AGBL4: variants seen among roughly 807,000 people sequenced by gnomAD.
AGBL4 encodes the protein AGBL carboxypeptidase 4.
A neutral mutation model predicts 66.4 loss-of-function variants in AGBL4; 58 were observed. The observed-to-expected ratio is 0.87, with a 90% confidence interval of 0.71 to 1.09. The LOEUF is 1.09. Among genes scored for constraint, AGBL4 ranks in the 50% least tolerant of loss-of-function variants. The pLI, the probability that AGBL4 is intolerant of heterozygous loss-of-function variation, is 0.00. For missense variants in AGBL4, 579 were observed against 631.0 expected (o/e 0.92, Z 0.88); for synonymous variants, 234 against 222.9 (o/e 1.05, Z -0.44).
chr1:48,913,402 G>A (rs1415641793), intron 5 of AGBL4, among the ~76,000 whole-genome samples: 1 of 152,224 alleles, frequency 6.6e-6, no homozygotes, highest in Non-Finnish European at 1.5e-5. Flanking sequence ...ATGCACAGCA[G>A]GAGGTGAGCG....
chr1:49,031,637 A>T (rs1422077904), intron 5 of AGBL4, among the ~76,000 whole-genome samples: 1 of 152,136 alleles, frequency 6.6e-6, no homozygotes. Flanking sequence ...ATAGATGGCC[A>T]ATAAGCACAC....
chr1:49,566,116 A>G (rs79274303), intron 3 of AGBL4, among the ~76,000 whole-genome samples: 1 of 152,140 alleles, frequency 6.6e-6, no homozygotes, highest in Non-Finnish European at 1.5e-5. Context: ...TTATGCATTC[A>G]TCACGTAGTT....
intron 3 of AGBL4, among the ~76,000 whole-genome samples, chr1:49,246,313 T>C (rs943331078): frequency 5.3e-5 from 8 of 151,976 alleles, no homozygotes; most frequent in Non-Finnish European, 2.9e-5. Context: ...AGAATTTACA[T>C]AGAAGTAAAT....
intron 3 of AGBL4, among the ~76,000 whole-genome samples, chr1:49,318,145 T>C (rs575313327): frequency 6.6e-6 from 1 of 151,980 alleles, no homozygotes; most frequent in Non-Finnish European, 1.5e-5. Context: ...CTTGACTTTT[T>C]ATTTAATAGT....
At chr1:49,240,720 A>G (rs572241316) in intron 4 of AGBL4, among the ~76,000 whole-genome samples, 2 of 151,822 alleles carry the variant, frequency 1.3e-5, no homozygotes, top group South Asian at 4.2e-4. Flanking sequence ...CATTCTGGTT[A>G]TCACCTGTAG....
At chr1:49,147,132 C>T (rs1646233345) in intron 4 of AGBL4, among the ~76,000 whole-genome samples, 1 of 152,108 alleles carries the variant, frequency 6.6e-6, no homozygotes, top group South Asian at 2.1e-4. Context: ...GGGGAGGAGA[C>T]ATCACAGAAA....
At chr1:48,701,394 A>G (rs1646798472) in intron 6 of AGBL4, among the ~76,000 whole-genome samples, 1 of 152,114 alleles carries the variant, frequency 6.6e-6, no homozygotes, top group Non-Finnish European at 1.5e-5. Context: ...CTTCATCTAT[A>G]AACTGGGAAG....
At chr1:49,876,946 T>G (rs1409661623) in intron 1 of AGBL4, among the ~76,000 whole-genome samples, 1 of 151,784 alleles carries the variant, frequency 6.6e-6, no homozygotes, top group Non-Finnish European at 1.5e-5. Context: ...CACTCATTAT[T>G]TGGCTCTCTG....
At chr1:48,928,377 T>C (rs1199659306) in intron 5 of AGBL4, among the ~76,000 whole-genome samples, 1 of 152,172 alleles carries the variant, frequency 6.6e-6, no homozygotes, top group Non-Finnish European at 1.5e-5. Flanking sequence ...CTCCCCCCAA[T>C]TTTAGTATGT....
At chr1:49,534,511 C>A (rs1226908757) in intron 3 of AGBL4, among the ~76,000 whole-genome samples, 1 of 152,154 alleles carries the variant, frequency 6.6e-6, no homozygotes, top group Non-Finnish European at 1.5e-5. Flanking sequence ...AGTCTTCAGT[C>A]AAGTGTTTGC....
intron 3 of AGBL4, among the ~76,000 whole-genome samples, chr1:49,279,523 G>C (rs985848506): frequency 3.3e-5 from 5 of 151,860 alleles, no homozygotes; most frequent in Non-Finnish European, 7.4e-5. Context: ...TATGGGGCAA[G>C]TTGAAGTTGG....
chr1:49,657,359 G>A (rs1171288677), intron 3 of AGBL4, among the ~76,000 whole-genome samples: 4 of 152,152 alleles, frequency 2.6e-5, no homozygotes, highest in Admixed American at 2.6e-4. Flanking sequence ...AATAAGAGAG[G>A]ACACAAACAA....
chr1:49,739,790 A>T (rs374047475), intron 2 of AGBL4, among the ~76,000 whole-genome samples: 26 of 152,308 alleles, frequency 1.7e-4, no homozygotes, highest in East Asian at 1.2e-3. Context: ...GAATTTCATA[A>T]CCAGCCAAAC....
At chr1:48,759,454 CATTTTATAA>C in intron 6 of AGBL4, 1 of 1,259,198 alleles carries the variant, frequency 7.9e-7, no homozygotes, top group Non-Finnish European at 1.1e-6. Flanking sequence ...AATGGGGAAA[CATTTTATAA>C]ATTTTATAAA....
chr1:49,829,668 G>A (rs1245982596), intron 2 of AGBL4, among the ~76,000 whole-genome samples: 2 of 152,050 alleles, frequency 1.3e-5, no homozygotes, highest in East Asian at 1.9e-4. Context: ...GCGGAACGGT[G>A]CAGGTTTGTT....
intron 4 of AGBL4, among the ~76,000 whole-genome samples, chr1:49,205,415 C>T (rs1648053616): frequency 6.6e-6 from 1 of 151,986 alleles, no homozygotes; most frequent in South Asian, 2.1e-4. Context: ...AACACTTTGA[C>T]TCTGTAGAAA....
At chr1:49,330,243 C>A (rs1320120876) in intron 3 of AGBL4, among the ~76,000 whole-genome samples, 2 of 152,100 alleles carry the variant, frequency 1.3e-5, no homozygotes, top group East Asian at 3.9e-4. Flanking sequence ...ATGGTGAAAC[C>A]CTGTCCCTAC....
At chr1:49,529,545 G>T (rs1375837932) in intron 3 of AGBL4, among the ~76,000 whole-genome samples, 3 of 152,020 alleles carry the variant, frequency 2.0e-5, no homozygotes, top group Non-Finnish European at 4.4e-5. Context: ...TAAGCATGGT[G>T]GCACATGCCT....
At chr1:49,556,502 T>C (rs1264828019) in intron 3 of AGBL4, among the ~76,000 whole-genome samples, 3 of 122,660 alleles carry the variant, frequency 2.4e-5, no homozygotes, top group Non-Finnish European at 3.4e-5. Context: ...GAACTTAAAG[T>C]ATAATAAAAA....
Sources: allele counts gnomAD v4.1 joint callset (sites outside exome capture counted in the v4.1 genomes callset), GRCh38; gene constraint gnomAD v4.1.1; transcripts MANE v1.5; gene names NCBI Gene and HGNC (gene_info 2026-07-23, HGNC 2026-07-21).